NAA30: variants seen among roughly 807,000 people sequenced by gnomAD.
NAA30 encodes the protein N-alpha-acetyltransferase 30, NatC catalytic subunit, also known as N-alpha-acetyltransferase 30.
NAA30 carries 5 observed loss-of-function variants against 31.4 expected under a neutral mutation model. That is an observed-to-expected ratio of 0.16 (90% CI 0.08 to 0.33). The LOEUF is 0.33. NAA30 is among the 10% of genes least tolerant of loss of function. The probability of loss-of-function intolerance (pLI) is 1.00; values close to 1 mark genes in which losing one functional copy is unlikely to be tolerated. For missense variants in NAA30, 428 were observed against 490.8 expected (o/e 0.87, Z 1.21); for synonymous variants, 222 against 207.1 (o/e 1.07, Z -0.62).
intron 3 of NAA30, among the ~76,000 whole-genome samples, chr14:57,398,931 C>T (rs985542922): frequency 2.0e-5 from 3 of 152,096 alleles, no homozygotes; most frequent in East Asian, 1.9e-4. Context: ...CCACTGCACC[C>T]AGCCAGTTTT....
At chr14:57,394,513 G>A (rs567331991) in intron 2 of NAA30, among the ~76,000 whole-genome samples, 1 of 152,076 alleles carries the variant, frequency 6.6e-6, no homozygotes, top group Non-Finnish European at 1.5e-5. Flanking sequence ...AAGCAATTTA[G>A]TGATTCCTGT....
intron 4 of NAA30, among the ~76,000 whole-genome samples, chr14:57,404,543 G>C (rs2066490520): frequency 6.6e-6 from 1 of 152,102 alleles, no homozygotes; most frequent in Non-Finnish European, 1.5e-5. Flanking sequence ...TTGGGAAACA[G>C]AAGAAGAAAG....
intron 4 of NAA30, among the ~76,000 whole-genome samples, chr14:57,408,442 A>G (rs891281587): frequency 1.3e-5 from 2 of 152,228 alleles, no homozygotes; most frequent in African/African-American, 4.8e-5. Flanking sequence ...TAATATTTCA[A>G]AAGACTTAAA....
At chr14:57,392,322 CT>C (rs2066432700) in intron 2 of NAA30, among the ~76,000 whole-genome samples, 1 of 152,186 alleles carries the variant, frequency 6.6e-6, no homozygotes. Context: ...GCTACTAACA[CT>C]TCTGGTGGCT....
At chr14:57,393,494 C>G (rs1407664494) in intron 2 of NAA30, among the ~76,000 whole-genome samples, 1 of 152,104 alleles carries the variant, frequency 6.6e-6, no homozygotes, top group African/African-American at 2.4e-5. Context: ...AAACTGAAGC[C>G]TTTATCTTGG....
rs1000122064 is a variant in NAA30, at chr14:57,390,993, C to G, written c.36C>G (p.Leu12=). The change falls in exon 2 of 5, where the codon CTC becomes CTG. Residue 12 remains leucine (L), a synonymous_variant. Transcript: ENST00000556492. The part of the protein sequence containing the change: ...AEVPPGPSSL[L]PPPAPPAPAA... ...TACCGCCTGGGCCTAGCAGCCTCCT[C>G]CCACCACCAGCACCTCCGGCCCCGG... 6.0e-6 allele frequency: 9 copies of G among 1,495,760 alleles called. No homozygotes were observed. The highest frequency in any genetic ancestry group is 8.0e-6 in the Non-Finnish European group (9 of 1,130,570). 92.7% of individuals were successfully genotyped at this position (1,495,760 alleles called of 1,614,324 possible). A position where few individuals can be genotyped will look rare whatever the true frequency, so the allele number is the denominator to read the frequency against.
rs771851332 is a variant in NAA30, at chr14:57,396,702, G to A, written c.772-50G>A. The A allele has an allele frequency of 2.5e-6, 4 of 1,604,304 alleles. No individual in the cohort carries two copies. The South Asian group carries it at 4.4e-5, about 18-fold the overall frequency. On this transcript the variant is annotated intron_variant, in intron 2 of 4. Coordinates refer to ENST00000556492, the MANE Select transcript of NAA30 (RefSeq NM_001011713.3). ...GTTGTTGTTTTCTCTGGATAATTGT[G>A]CAGTACCTGATGGCAATGTATTCTT...
chr14:57,396,344 A>G (rs1186239835), intron 2 of NAA30, among the ~76,000 whole-genome samples: 2 of 152,130 alleles, frequency 1.3e-5, no homozygotes, highest in Non-Finnish European at 2.9e-5. Context: ...ACAATATTTT[A>G]TGTCCTAATG....
rs1028943158 is a variant in NAA30, at chr14:57,414,277, A to G, written c.*4761A>G. ...CTAAAAATTACCTCTGAGCAAGAGT[A>G]TAGCTGAACTGTTTATACTGACAAT... On this transcript the variant is annotated 3_prime_UTR_variant, in exon 5 of 5. Transcript: ENST00000556492. 3 of 152,242 alleles carry G rather than the reference A, an allele frequency of 2.0e-5. No homozygotes were observed. Among genetic ancestry groups the G allele is most frequent in the African/African-American group, 4.8e-5 (2 of 41,476 alleles). The allele number at this position is 152,242 out of a possible 1,614,324, so 9.4% of individuals were successfully genotyped here. A position where few individuals can be genotyped will look rare whatever the true frequency, so the allele number is the denominator to read the frequency against.
chr14:57,398,394 T>C (rs2066460094), intron 3 of NAA30, among the ~76,000 whole-genome samples: 1 of 152,146 alleles, frequency 6.6e-6, no homozygotes, highest in Admixed American at 6.5e-5. Flanking sequence ...TCAGACATAC[T>C]TTGTTTGGGC....
chr14:57,412,422 A>T lies in NAA30; in HGVS notation c.*2906A>T, dbSNP rs2066527696. On this transcript the variant is annotated 3_prime_UTR_variant, in exon 5 of 5. Coordinates refer to ENST00000556492, the MANE Select transcript of NAA30 (RefSeq NM_001011713.3). ...GTGTCTAAAAATCATGAAGTTCATC[A>T]CTTTTCAGGAGTATAGATAAAATCA... 1 of 152,114 alleles carries T rather than the reference A, an allele frequency of 6.6e-6. No homozygotes were observed. Among genetic ancestry groups the T allele is most frequent in the Non-Finnish European group, 1.5e-5 (1 of 68,008 alleles). The allele number at this position is 152,114 out of a possible 1,614,324, so 9.4% of individuals were successfully genotyped here.
At position 57,412,544 on chromosome 14, in the gene NAA30, C is replaced by G. The variant is rs988687891; in HGVS notation, c.*3028C>G. On this transcript the variant is annotated 3_prime_UTR_variant, in exon 5 of 5. Coordinates refer to ENST00000556492, the MANE Select transcript of NAA30 (RefSeq NM_001011713.3). ...GGCTTTCAGGTTTGTAAAAACATAA[C>G]CATAAATTATATTGACGTCAGATAT... 6.6e-6 allele frequency: 1 copy of G among 152,122 alleles called. No homozygotes were observed. Among genetic ancestry groups the G allele is most frequent in the Non-Finnish European group, 1.5e-5 (1 of 68,022 alleles). The allele number at this position is 152,122 out of a possible 1,614,324, so 9.4% of individuals were successfully genotyped here. A position where few individuals can be genotyped will look rare whatever the true frequency, so the allele number is the denominator to read the frequency against.
At chr14:57,396,927 G>A in intron 3 of NAA30, 52 bp downstream of exon 3, 6 of 1,566,384 alleles carry the variant, frequency 3.8e-6, no homozygotes, top group Non-Finnish European at 5.2e-6. Flanking sequence ...TTTCATTTTT[G>A]TTGTGTTTTG....
At chr14:57,405,527 AGGATT>A (rs984111426) in intron 4 of NAA30, among the ~76,000 whole-genome samples, 12 of 152,068 alleles carry the variant, frequency 7.9e-5, no homozygotes, top group Non-Finnish European at 1.5e-4. Context: ...TTAAGCTGCA[AGGATT>A]TTGGGTGAGT....
chr14:57,391,079 A>G lies in NAA30; in HGVS notation c.122A>G (p.Asp41Gly). The G allele has an allele frequency of 6.5e-7, 1 of 1,544,174 alleles. No homozygotes were observed. Among genetic ancestry groups the G allele is most frequent in the African/African-American group, 1.4e-5 (1 of 72,428 alleles). Residue 41 changes from aspartate (D) to glycine (G), a missense_variant, in exon 2 of 5, where the codon GAC (aspartate) becomes GGC (glycine). Asp to Gly is a moderately conservative substitution (Grantham distance 94). Transcript: ENST00000556492. The surrounding 1 kb of genome is among the most constrained non-coding windows in gnomAD (Gnocchi z 4.1). ...GCCGCCCTCGCCTGCTGCAGCGAGG[A>G]CGAGGAGGACGACGAAGAGCACGAA... ...AGAALACCSE[D>G]EEDDEEHEGG...
chr14:57,410,810 A>G lies in NAA30; in HGVS notation c.*1294A>G, dbSNP rs753712756. The stretch of plus-strand genomic sequence containing the variant: ...GTGCAATGTAACAAATTTTACAGTT[A>G]ATTGCTTTCAATTGAGTCAGTAAAC... On this transcript the variant is annotated 3_prime_UTR_variant, in exon 5 of 5. Transcript: ENST00000556492. 3 of 152,488 alleles carry G rather than the reference A, an allele frequency of 2.0e-5. No individual in the cohort carries two copies. The highest frequency in any genetic ancestry group is 4.4e-5 in the Non-Finnish European group (3 of 67,968). The allele number at this position is 152,488 out of a possible 1,614,324, so 9.4% of individuals were successfully genotyped here. A position where few individuals can be genotyped will look rare whatever the true frequency, so the allele number is the denominator to read the frequency against.
In NAA30 at chr14:57,414,557, G is replaced by T. The variant is rs756103771; in HGVS notation, c.*5041G>T. 2 of 152,084 alleles carry T rather than the reference G, an allele frequency of 1.3e-5. No homozygotes were observed. The highest frequency in any genetic ancestry group is 4.8e-5 in the African/African-American group (2 of 41,392). 9.4% of individuals were successfully genotyped at this position (152,084 alleles called of 1,614,324 possible). A position where few individuals can be genotyped will look rare whatever the true frequency, so the allele number is the denominator to read the frequency against. ...ATCATTTCACTTCTAAATGAGATTGGTCATCTCATGAGTGGTCAAGTTGGA... is the reference window on the plus strand; with the variant it reads ...ATCATTTCACTTCTAAATGAGATTGTTCATCTCATGAGTGGTCAAGTTGGA... On this transcript the variant is annotated 3_prime_UTR_variant, in exon 5 of 5. Coordinates refer to ENST00000556492, the MANE Select transcript of NAA30 (RefSeq NM_001011713.3).
intron 4 of NAA30, among the ~76,000 whole-genome samples, chr14:57,409,114 G>A (rs1220181612): frequency 1.3e-5 from 2 of 151,954 alleles, no homozygotes; most frequent in African/African-American, 4.8e-5. Context: ...CTTTGTTTTA[G>A]TATAAAACAT....
In NAA30 at chr14:57,396,377, A is replaced by AT. The variant is rs375790361; in HGVS notation, c.772-365dup. ...ATGAATAGACTTTTTCTTTATAATC[A>AT]TTTTTTTTTTGCATATTTCCCCTTC... On this transcript the variant is annotated intron_variant, in intron 2 of 4. Transcript: ENST00000556492. 5.8e-3 allele frequency among the ~76,000 whole-genome samples: 858 copies of AT among 147,072 alleles called. 4 individuals are homozygous for AT. The highest frequency in any genetic ancestry group is 0.013 in the African/African-American group (520 of 40,394).
Sources: allele counts gnomAD v4.1 joint callset (sites outside exome capture counted in the v4.1 genomes callset), GRCh38; gene constraint gnomAD v4.1.1; non-coding constraint Gnocchi (gnomAD v3.1); transcripts MANE v1.5; gene names NCBI Gene and HGNC (gene_info 2026-07-23, HGNC 2026-07-21).